ARFGEF1: variants seen among roughly 807,000 people sequenced by gnomAD.
The protein encoded by ARFGEF1 is ARF guanine nucleotide exchange factor 1.
In ARFGEF1, 42 loss-of-function variants were observed where a neutral mutation model predicts 231.0. The observed-to-expected ratio is 0.18, with a 90% CI of 0.14 to 0.24. The LOEUF (loss-of-function observed/expected upper bound fraction) is 0.24. Among genes scored for constraint, ARFGEF1 ranks in the 10% least tolerant of loss-of-function variants. The probability of loss-of-function intolerance (pLI) is 1.00; values close to 1 mark genes in which losing one functional copy is unlikely to be tolerated. For missense variants in ARFGEF1, 1,345 were observed against 2,192.0 expected (o/e 0.61, Z 7.72); for synonymous variants, 710 against 732.3 (o/e 0.97, Z 0.49).
intron 33 of ARFGEF1, among the ~76,000 whole-genome samples, chr8:67,214,135 G>T (rs746565132): frequency 6.6e-6 from 1 of 152,242 alleles, no homozygotes; most frequent in South Asian, 2.1e-4. Context: ...CCACAAGGAA[G>T]TGCAATGTGT....
At chr8:67,328,990 G>C (rs1274322933) in intron 1 of ARFGEF1, among the ~76,000 whole-genome samples, 1 of 152,170 alleles carries the variant, frequency 6.6e-6, no homozygotes, top group Non-Finnish European at 1.5e-5. Flanking sequence ...GACTTTGGAA[G>C]GTTGAGGCGG....
chr8:67,233,037 C>T lies in ARFGEF1; in HGVS notation c.3290-92G>A. ...TTCTAAAACATACTTCTGAAATCAA[C>T]TGCTTTCCTAATAACAGAATGCTTC... On this transcript the variant is annotated intron_variant, in intron 22 of 38. Transcript: ENST00000262215. 2 of 1,058,882 alleles carry T rather than the reference C, an allele frequency of 1.9e-6. 1 individual carries two copies. The highest frequency in any genetic ancestry group is 4.3e-5 in the Admixed American group (2 of 46,872). 65.6% of individuals were successfully genotyped at this position (1,058,882 alleles called of 1,614,324 possible).
intron 1 of ARFGEF1, among the ~76,000 whole-genome samples, chr8:67,318,011 G>C (rs1250357570): frequency 1.3e-5 from 2 of 151,834 alleles, no homozygotes; most frequent in African/African-American, 4.8e-5. Flanking sequence ...GCTGAGGTGG[G>C]TGGATCACGA....
At chr8:67,177,610 T>G (rs957935218) in intron 5 of ARFGEF1, 210 of 955,424 alleles carry the variant, frequency 2.2e-4, no homozygotes, top group Non-Finnish European at 3.3e-4. Context: ...AAAAAGATAT[T>G]CTAAAATTTA....
chr8:67,193,607 A>G (rs1198314979), downstream of ARFGEF1: 1 of 1,612,076 alleles, frequency 6.2e-7, no homozygotes, highest in Admixed American at 1.7e-5. Flanking sequence ...ATACAGGTAA[A>G]TGACCAAGTG....
chr8:67,266,012 A>G lies in ARFGEF1; in HGVS notation c.2117T>C (p.Ile706Thr). The G allele has an allele frequency of 6.2e-7, 1 of 1,613,414 alleles. No individual in the cohort carries two copies. Among genetic ancestry groups the G allele is most frequent in the East Asian group, 2.2e-5 (1 of 44,854 alleles). Residue 706 changes from isoleucine to threonine, a missense_variant, in exon 14 of 39, where the codon ATA (isoleucine) becomes ACA (threonine). This residue lies in a region of ARFGEF1 where 105 missense variants were observed against 159.3 expected (regional missense o/e 0.66). Coordinates refer to ENST00000262215, the MANE Select transcript of ARFGEF1 (RefSeq NM_006421.5). ...KQQKEIIEQG[I>T]DLFNKKPKRG... is the part of the protein sequence containing the mutation. Reference sequence around the variant, plus strand: ...CTTAAGCTATGACACTTACAAATCTATCCCTTGTTCTATTATTTCTTTTTG... The same window carrying G: ...CTTAAGCTATGACACTTACAAATCTGTCCCTTGTTCTATTATTTCTTTTTG...
At chr8:67,187,006 TATCTATCTA>T (rs1293368110) in intron 5 of ARFGEF1, among the ~76,000 whole-genome samples, 3 of 150,746 alleles carry the variant, frequency 2.0e-5, no homozygotes, top group African/African-American at 7.3e-5. Flanking sequence ...TCTATCTATC[TATCTATCTA>T]ATCTATCTAT....
chr8:67,240,588 C>T (rs1839899008), intron 19 of ARFGEF1, among the ~76,000 whole-genome samples: 1 of 152,094 alleles, frequency 6.6e-6, no homozygotes, highest in Admixed American at 6.6e-5. Context: ...ATTAGTTTTA[C>T]CCGACTTCAG....
intron 38 of ARFGEF1, 109 bp from the exon 39 acceptor site, chr8:67,199,207 G>T: frequency 7.5e-7 from 1 of 1,334,490 alleles, no homozygotes; most frequent in Non-Finnish European, 1.0e-6. Flanking sequence ...AGGAAAGCAG[G>T]GTCCACAGCA....
In ARFGEF1 at chr8:67,277,381, T is replaced by G; in HGVS notation, c.1104A>C (p.Glu368Asp). 6.2e-7 allele frequency: 1 copy of G among 1,613,874 alleles called. No homozygotes were observed. The highest frequency in any genetic ancestry group is 8.5e-7 in the Non-Finnish European group (1 of 1,179,856). Reference protein sequence around the residue: ...IGTIEDGSDSENIQANGIPGT... With the variant: ...IGTIEDGSDSDNIQANGIPGT... Reference sequence around the variant, plus strand: ...CTGGAATTCCATTTGCTTGAATATTTTCACTGTCACTACCATCCTCTATAG... The same window carrying G: ...CTGGAATTCCATTTGCTTGAATATTGTCACTGTCACTACCATCCTCTATAG... Residue 368 changes from glutamate (E) to aspartate (D), a missense_variant, in exon 8 of 39, where the codon GAA becomes GAC. Physicochemically the swap from Glu to Asp is conservative, Grantham distance 45. Around this residue, in one of 14 missense-constraint regions of ARFGEF1, gnomAD observed 398 missense variants for 463.2 expected, o/e 0.86. Transcript: ENST00000262215.
intron 5 of ARFGEF1, among the ~76,000 whole-genome samples, chr8:67,184,399 A>G (rs1380221947): frequency 6.6e-6 from 1 of 152,224 alleles, no homozygotes; most frequent in Non-Finnish European, 1.5e-5. Context: ...GTAAGCCTCT[A>G]GCCAAGCTAA....
In ARFGEF1 at chr8:67,226,161, A is replaced by T. The variant is rs773167167; in HGVS notation, c.3939T>A (p.Phe1313Leu). ...HIVTLVFEKH[F>L]PATIDSFQDA... Reference sequence around the variant, plus strand: ...CCTGGAAAGAATCAATGGTCGCTGGAAAGTGTTTTTCAAATACAAGGGCTA... The same window carrying T: ...CCTGGAAAGAATCAATGGTCGCTGGTAAGTGTTTTTCAAATACAAGGGCTA... The change falls in exon 28 of 39, where the codon TTT (phenylalanine) becomes TTA (leucine). Residue 1313 changes from phenylalanine (F) to leucine (L), a missense_variant. Phe to Leu is a conservative substitution (Grantham distance 22). This residue lies in a region of ARFGEF1 where 142 missense variants were observed against 227.3 expected (regional missense o/e 0.62). Transcript: ENST00000262215. 2 of 1,607,174 alleles carry T rather than the reference A, an allele frequency of 1.2e-6. No homozygotes were observed. The highest frequency in any genetic ancestry group is 1.7e-6 in the Non-Finnish European group (2 of 1,177,166).
At chr8:67,272,578 C>A (rs955108075) in intron 9 of ARFGEF1, among the ~76,000 whole-genome samples, 29 of 152,236 alleles carry the variant, frequency 1.9e-4, no homozygotes, top group African/African-American at 6.0e-4. Context: ...CTTTCTTTCA[C>A]AACCATACTT....
At chr8:67,191,415 T>A (rs1836212255) in intron 5 of ARFGEF1, among the ~76,000 whole-genome samples, 1 of 152,238 alleles carries the variant, frequency 6.6e-6, no homozygotes, top group Admixed American at 6.5e-5. Flanking sequence ...AGCGTTATTA[T>A]ATGTACAGCA....
At chr8:67,266,597 A>T (rs1224387981) in intron 13 of ARFGEF1, among the ~76,000 whole-genome samples, 2 of 152,004 alleles carry the variant, frequency 1.3e-5, no homozygotes, top group Non-Finnish European at 2.9e-5. Flanking sequence ...ACTGCCTTTT[A>T]TATGTTTCCT....
intron 5 of ARFGEF1, among the ~76,000 whole-genome samples, chr8:67,186,970 C>A (rs865867204): frequency 6.7e-6 from 1 of 149,752 alleles, no homozygotes; most frequent in Non-Finnish European, 1.5e-5. Flanking sequence ...ATCTATCTAT[C>A]ATCTATCTAT....
chr8:67,184,837 A>C (rs1020312324), intron 5 of ARFGEF1, among the ~76,000 whole-genome samples: 1 of 148,334 alleles, frequency 6.7e-6, no homozygotes, highest in African/African-American at 2.5e-5. Flanking sequence ...CGGTGGCTCA[A>C]GCCTGTAATC....
intron 1 of ARFGEF1, among the ~76,000 whole-genome samples, chr8:67,304,842 T>C (rs925286832): frequency 6.6e-6 from 1 of 152,058 alleles, no homozygotes; most frequent in African/African-American, 2.4e-5. Context: ...ATAAAATAAA[T>C]GTATGGATAA....
intron 29 of ARFGEF1, 125 bp from the exon 30 acceptor site, chr8:67,219,685 G>GAC (rs1394721707): frequency 4.3e-5 from 43 of 993,942 alleles, no homozygotes; most frequent in Non-Finnish European, 4.9e-5. Context: ...ATTAACACAT[G>GAC]ACACTGGGTT....
Sources: allele counts gnomAD v4.1 joint callset (sites outside exome capture counted in the v4.1 genomes callset), GRCh38; gene constraint gnomAD v4.1.1; regional missense constraint gnomAD v4.1.1; transcripts MANE v1.5; gene names NCBI Gene and HGNC (gene_info 2026-07-23, HGNC 2026-07-21).